Variants in TPO observed in about 807,000 individuals in gnomAD.
TPO encodes the protein thyroid microsomal antigen.
A neutral mutation model predicts 96.9 loss-of-function variants in TPO; 78 were observed. The observed-to-expected ratio is 0.81, with a 90% CI of 0.67 to 0.97. The LOEUF is 0.97. TPO is among the 50% of genes least tolerant of loss of function. TPO has a pLI of 0.00. For missense variants in TPO, 1,252 were observed against 1,274.8 expected, an observed-to-expected ratio of 0.98 and a Z score of 0.27; for synonymous variants, 547 against 538.0, an observed-to-expected ratio of 1.02 and a Z score of -0.23.
chr2:1,488,630 C>A (rs1671402058), intron 10 of TPO, among the ~76,000 whole-genome samples: 1 of 152,184 alleles, frequency 6.6e-6, no homozygotes, highest in South Asian at 2.1e-4. Flanking sequence ...CAACCTGCAG[C>A]ACCTGTCTAG....
At chr2:1,482,405 G>C (rs1450911142) in intron 8 of TPO, among the ~76,000 whole-genome samples, 1 of 152,182 alleles carries the variant, frequency 6.6e-6, no homozygotes, top group Non-Finnish European at 1.5e-5. Flanking sequence ...GCTGGGGTGA[G>C]AGCAGACGTG....
At position 1,384,148 on chromosome 2, in the gene TPO, C is replaced by T. The variant is rs574726623; in HGVS notation, n.180+9746C>T. ...TGTAGTATAGTTTGAAGTCAGGTAGCGTGATGCCTCCAGCTATGTTCTTTG... is the reference window on the plus strand; with the variant it reads ...TGTAGTATAGTTTGAAGTCAGGTAGTGTGATGCCTCCAGCTATGTTCTTTG... On this transcript the variant is annotated intron_variant and non_coding_transcript_variant, in intron 1 of 5. Transcript: ENST00000497517. 5.9e-5 allele frequency among the ~76,000 whole-genome samples: 9 copies of T among 152,262 alleles called. No homozygotes were observed. In the East Asian group the frequency reaches 7.7e-4, roughly 13 times the overall value.
chr2:1,536,065 C>A (rs1193326237), intron 15 of TPO, among the ~76,000 whole-genome samples: 4 of 45,064 alleles, frequency 8.9e-5, no homozygotes, highest in East Asian at 2.0e-3. Context: ...CTGTGTGCAA[C>A]CTTCCCAAAT....
chr2:1,405,043 G>A (rs1348899243), intron 1 of TPO, among the ~76,000 whole-genome samples: 1 of 148,132 alleles, frequency 6.8e-6, no homozygotes, highest in African/African-American at 2.5e-5. Flanking sequence ...ACTCATCCAT[G>A]CATCCCACCC....
rs180806186 is a variant in TPO, at chr2:1,506,839, G to C, written c.2518+2760G>C. On this transcript the variant is annotated intron_variant, in intron 14 of 16. Coordinates refer to ENST00000329066, the MANE Select transcript of TPO (RefSeq NM_001206744.2). ...TTTTCTCCCATTCTGTAGGTTGCCT[G>C]TTCAGTCTGATAGTAGTTTCTTTTG... Among the ~76,000 whole-genome samples, 3 of 152,296 alleles carry C rather than the reference G, an allele frequency of 2.0e-5. No individual in the cohort carries two copies. The South Asian group carries it at 6.2e-4, about 32-fold the overall frequency.
At chr2:1,521,472 AGGACCCTCCTCCCCAG>A (rs964867450) in intron 15 of TPO, among the ~76,000 whole-genome samples, 6 of 152,016 alleles carry the variant, frequency 3.9e-5, no homozygotes, top group Admixed American at 6.6e-5. Flanking sequence ...CTCTTCCCCC[AGGACCCTCCTCCCCAG>A]GGACCCTCCT....
chr2:1,458,612 G>A (rs1179145614), intron 7 of TPO, among the ~76,000 whole-genome samples: 2 of 152,070 alleles, frequency 1.3e-5, no homozygotes, highest in Non-Finnish European at 2.9e-5. Flanking sequence ...GATACTGTGT[G>A]GGCACGTGTG....
At chr2:1,427,135 G>C (rs1447291848) in intron 3 of TPO, among the ~76,000 whole-genome samples, 1 of 152,204 alleles carries the variant, frequency 6.6e-6, no homozygotes, top group East Asian at 1.9e-4. Context: ...CCTGAGACCA[G>C]CTCCCATAGA....
intron 5 of TPO, among the ~76,000 whole-genome samples, chr2:1,438,102 C>T (rs550888890): frequency 6.6e-5 from 10 of 151,286 alleles, no homozygotes; most frequent in Non-Finnish European, 1.5e-4. Context: ...GCGGAGATGG[C>T]TTGGACTACA....
At chr2:1,380,677 G>T (rs1188894803) in intron 1 of TPO, among the ~76,000 whole-genome samples, 1 of 152,174 alleles carries the variant, frequency 6.6e-6, no homozygotes, top group African/African-American at 2.4e-5. Flanking sequence ...CTCATTCAAT[G>T]GGCTAGATGT....
intron 1 of TPO, among the ~76,000 whole-genome samples, chr2:1,406,867 G>T (rs891856050): frequency 8.5e-5 from 13 of 152,360 alleles, no homozygotes; most frequent in African/African-American, 3.1e-4. Flanking sequence ...GGAAGTACTT[G>T]TTTGGACCAG....
Position 1,540,715 on chromosome 2 carries a change from T to TCGGA in TPO, c.2741_2744dup (p.Glu915AspfsTer67). 6.2e-7 allele frequency: 1 copy of TCGGA among 1,613,276 alleles called. No homozygotes were observed. Among genetic ancestry groups the TCGGA allele is most frequent in the Non-Finnish European group, 8.5e-7 (1 of 1,180,028 alleles). On this transcript the variant is annotated frameshift_variant, in exon 16 of 17. Coordinates refer to ENST00000329066, the MANE Select transcript of TPO (RefSeq NM_001206744.2). LOFTEE classifies it low-confidence loss of function (END_TRUNC). The stretch of plus-strand genomic sequence containing the variant: ...ACCGCAGCGGGCCGCAGCTCAGGAC[T>TCGGA]CGGAGCAGGTGGGCCACACCATGCC...
At chr2:1,470,581 CT>C (rs1210510596) in intron 7 of TPO, among the ~76,000 whole-genome samples, 1 of 150,818 alleles carries the variant, frequency 6.6e-6, no homozygotes, top group African/African-American at 2.4e-5. Context: ...ATATTAAAAA[CT>C]GGGCTTGATA....
intron 7 of TPO, among the ~76,000 whole-genome samples, chr2:1,469,544 G>T (rs943702343): frequency 6.6e-6 from 1 of 152,104 alleles, no homozygotes; most frequent in Non-Finnish European, 1.5e-5. Context: ...TTCTCCCTGT[G>T]GCCTTTTACA....
At chr2:1,438,308 A>T (rs1665791514) in intron 5 of TPO, among the ~76,000 whole-genome samples, 1 of 152,144 alleles carries the variant, frequency 6.6e-6, no homozygotes, top group Admixed American at 6.5e-5. Context: ...TTATCTTAAG[A>T]ATCAGCGAGT....
chr2:1,535,422 G>A (rs555053526), intron 15 of TPO, among the ~76,000 whole-genome samples: 1 of 74,408 alleles, frequency 1.3e-5, no homozygotes, highest in East Asian at 5.0e-4. Flanking sequence ...CCCCTACTGT[G>A]TGCAACCTCC....
intron 9 of TPO, 58 bp from the exon 10 acceptor site, chr2:1,487,763 G>A (rs555194115): frequency 1.3e-6 from 2 of 1,598,514 alleles, no homozygotes. Context: ...TTGAGATATT[G>A]TTGTTTCTCT....
intron 7 of TPO, among the ~76,000 whole-genome samples, chr2:1,469,749 G>T (rs945533449): frequency 6.6e-6 from 1 of 152,170 alleles, no homozygotes; most frequent in African/African-American, 2.4e-5. Context: ...TTCCGCAGTG[G>T]GGGTGCATGT....
At chr2:1,494,944 C>A (rs28991280) in intron 11 of TPO, among the ~76,000 whole-genome samples, 85 of 152,266 alleles carry the variant, frequency 5.6e-4, no homozygotes, top group Admixed American at 2.9e-3. Context: ...GTAGAAATCA[C>A]CAGGAGAACT....
Sources: gnomAD v4.1 joint callset for allele counts (sites outside exome capture counted in the v4.1 genomes callset) on GRCh38, gnomAD v4.1.1 for gene constraint, MANE v1.5 for transcripts, NCBI Gene and HGNC (gene_info 2026-07-23, HGNC 2026-07-21) for gene names.